Variants in NEK1 observed in about 807,000 individuals in gnomAD.
NEK1 encodes NIMA related kinase 1, also known as serine/threonine-protein kinase Nek1.
NEK1 carries 137 observed loss-of-function variants against 182.1 expected under a neutral mutation model. That is an observed-to-expected ratio of 0.75 (90% CI 0.65 to 0.87). The LOEUF (loss-of-function observed/expected upper bound fraction) is 0.87, where lower values mean the gene tolerates loss of function less well. Ranked by LOEUF, NEK1 falls within the 40% of genes least tolerant of loss-of-function variation. The pLI, the probability that NEK1 is intolerant of heterozygous loss-of-function variation, is 0.00. For missense variants in NEK1, 1,391 were observed against 1,494.4 expected, an observed-to-expected ratio of 0.93 and a Z score of 1.14; for synonymous variants, 513 against 492.2, an observed-to-expected ratio of 1.04 and a Z score of -0.56.
At chr4:169,574,737 G>A (rs1385773048) in intron 12 of NEK1, among the ~76,000 whole-genome samples, 3 of 152,082 alleles carry the variant, frequency 2.0e-5, no homozygotes, top group Admixed American at 2.0e-4. Flanking sequence ...TCAGGCAGCA[G>A]GGAGAGTCTG....
At position 169,588,649 on chromosome 4, in the gene NEK1, C is replaced by T. The variant is rs956675391; in HGVS notation, c.551G>A (p.Ser184Asn). ...ICENKPYNNKSDIWALGCVLY... is the reference protein window; with the variant it reads ...ICENKPYNNKNDIWALGCVLY... ...ACATAATGAATATCATTTTAAATAC[C>T]TTTTATTATTGTAAGGTTTGTTTTC... Residue 184 changes from serine (S) to asparagine (N), a missense_variant and splice_region_variant, in exon 8 of 36, where the codon AGT (serine) becomes AAT (asparagine). Ser to Asn is a conservative substitution (Grantham distance 46, BLOSUM62 1). Transcript: ENST00000507142. 6.6e-7 allele frequency: 1 copy of T among 1,521,328 alleles called. No individual in the cohort carries two copies. Among genetic ancestry groups the T allele is most frequent in the African/African-American group, 1.4e-5 (1 of 72,084 alleles). The allele number at this position is 1,521,328 out of a possible 1,614,324, so 94.2% of individuals were successfully genotyped here.
At chr4:169,490,914 CGG>C (rs1225258025) in intron 23 of NEK1, among the ~76,000 whole-genome samples, 2 of 151,892 alleles carry the variant, frequency 1.3e-5, no homozygotes, top group East Asian at 1.9e-4. Flanking sequence ...GAGGCCAAGG[CGG>C]GAGGATCACG....
chr4:169,579,112 G>C (rs532686019), intron 11 of NEK1, among the ~76,000 whole-genome samples: 1 of 152,282 alleles, frequency 6.6e-6, no homozygotes, highest in Non-Finnish European at 1.5e-5. Flanking sequence ...CCAGAGAAAA[G>C]AAAGAATTAC....
intron 31 of NEK1, among the ~76,000 whole-genome samples, chr4:169,423,833 T>C (rs943320986): frequency 6.6e-6 from 1 of 152,262 alleles, no homozygotes; most frequent in South Asian, 2.1e-4. Context: ...ATGGAATATG[T>C]AGTTATTTAT....
intron 5 of NEK1, 28 bp from the exon 6 acceptor site, chr4:169,590,837 C>A (rs746567596): frequency 7.0e-7 from 1 of 1,432,762 alleles, no homozygotes; most frequent in African/African-American, 1.4e-5. Context: ...ATCTGTCAAG[C>A]CTCTCTTTGA....
At chr4:169,448,786 T>A (rs1251471092) in intron 27 of NEK1, among the ~76,000 whole-genome samples, 1 of 152,176 alleles carries the variant, frequency 6.6e-6, no homozygotes. Context: ...GGTACCTGGT[T>A]CATCTCAATG....
chr4:169,597,032 A>C (rs76142010), intron 5 of NEK1, among the ~76,000 whole-genome samples: 8,778 of 152,254 alleles, frequency 0.058, 841 homozygotes, highest in African/African-American at 0.2. Flanking sequence ...ATCAAAGAGT[A>C]GAATCAAATC....
At position 169,421,606 on chromosome 4, in the gene NEK1, C is replaced by G. The variant is rs557305549; in HGVS notation, c.3222+2947G>C. Among the ~76,000 whole-genome samples the G allele has an allele frequency of 3.3e-5, 5 of 152,280 alleles. No individual in the cohort carries two copies. The South Asian group carries it at 1.0e-3, about 32-fold the overall frequency. ...GCACTTCCCCCTTCGTGCCCACGCT[C>G]TCTCCCTCTCTCTGTCTCCTGCTGC... is the stretch of plus-strand genomic sequence containing the variant. On this transcript the variant is annotated intron_variant, in intron 31 of 35. Coordinates refer to ENST00000507142, the MANE Select transcript of NEK1 (RefSeq NM_001199397.3).
intron 12 of NEK1, among the ~76,000 whole-genome samples, chr4:169,566,183 T>C (rs1195419860): frequency 2.0e-5 from 3 of 152,188 alleles, no homozygotes; most frequent in African/African-American, 4.8e-5. Flanking sequence ...CTGGATTATA[T>C]ATATATTACA....
At chr4:169,561,334 A>T in intron 16 of NEK1, 146 bp downstream of exon 16, 1 of 690,544 alleles carries the variant, frequency 1.4e-6, no homozygotes, top group Non-Finnish European at 2.5e-6. Flanking sequence ...AAAGCTAAGT[A>T]TTCATAATAA....
At chr4:169,421,603 G>A (rs1049679864) in intron 31 of NEK1, among the ~76,000 whole-genome samples, 2 of 152,044 alleles carry the variant, frequency 1.3e-5, no homozygotes, top group East Asian at 1.9e-4. Flanking sequence ...TCGTGCCCAC[G>A]CTCTCTCCCT....
At chr4:169,541,793 T>C (rs143907227) in intron 18 of NEK1, among the ~76,000 whole-genome samples, 8 of 152,266 alleles carry the variant, frequency 5.3e-5, no homozygotes, top group African/African-American at 1.7e-4. Context: ...CATATTCCCA[T>C]CTAAATAGCC....
intron 12 of NEK1, among the ~76,000 whole-genome samples, chr4:169,573,879 C>T (rs1238403212): frequency 6.6e-6 from 1 of 152,154 alleles, no homozygotes; most frequent in African/African-American, 2.4e-5. Flanking sequence ...AGAAAATAAG[C>T]CAGGCACGGT....
chr4:169,394,506 A>G lies in NEK1; in HGVS notation c.*4T>C. ...TAGTTGAGGATTAAAAAACATTTTG[A>G]GGATTATTCATCATTATCTGTAGAA... On this transcript the variant is annotated 3_prime_UTR_variant, in exon 36 of 36. Transcript: ENST00000507142. 7.1e-7 allele frequency: 1 copy of G among 1,411,670 alleles called. No homozygotes were observed. Among genetic ancestry groups the G allele is most frequent in the Non-Finnish European group, 9.8e-7 (1 of 1,020,530 alleles). The allele number at this position is 1,411,670 out of a possible 1,614,324, so 87.4% of individuals were successfully genotyped here.
chr4:169,564,790 C>T (rs1324750556), intron 12 of NEK1, among the ~76,000 whole-genome samples: 1 of 152,002 alleles, frequency 6.6e-6, no homozygotes, highest in Non-Finnish European at 1.5e-5. Context: ...ATATGTAATA[C>T]CACCCAATGG....
chr4:169,450,949 A>G (rs1741615003), intron 27 of NEK1, among the ~76,000 whole-genome samples: 1 of 152,222 alleles, frequency 6.6e-6, no homozygotes, highest in South Asian at 2.1e-4. Context: ...AGATCTACCA[A>G]GCAAATGGAA....
chr4:169,547,926 A>G (rs964782259), intron 18 of NEK1, among the ~76,000 whole-genome samples: 2 of 152,154 alleles, frequency 1.3e-5, no homozygotes, highest in South Asian at 4.1e-4. Flanking sequence ...ATGTTCCTTT[A>G]GCTCAAAGGA....
chr4:169,533,759 C>T (rs1758027830), intron 19 of NEK1, among the ~76,000 whole-genome samples: 1 of 152,162 alleles, frequency 6.6e-6, no homozygotes. Context: ...TTTTAAAGTA[C>T]ATTACATGCA....
At chr4:169,490,344 C>G (rs1198625817) in intron 23 of NEK1, among the ~76,000 whole-genome samples, 2 of 152,086 alleles carry the variant, frequency 1.3e-5, no homozygotes, top group African/African-American at 4.8e-5. Context: ...TCATCCCCTA[C>G]AAAAGCAACT....
Sources: gnomAD v4.1 joint callset for allele counts (sites outside exome capture counted in the v4.1 genomes callset) on GRCh38, gnomAD v4.1.1 for gene constraint, MANE v1.5 for transcripts, NCBI Gene and HGNC (gene_info 2026-07-23, HGNC 2026-07-21) for gene names.